The following GSE1 variants were observed in gnomAD, a reference collection of about 807,000 sequenced individuals.
The protein encoded by GSE1 is Gse1 coiled-coil protein.
A neutral mutation model predicts 112.6 loss-of-function variants in GSE1; 32 were observed. The ratio of observed to expected loss-of-function variants is 0.28; its 90% CI spans 0.21 to 0.38. The LOEUF is 0.38. Ranked by LOEUF, GSE1 falls within the 10% of genes least tolerant of loss-of-function variation. GSE1 has a pLI of 1.00. For missense variants in GSE1, 2,348 were observed against 1,699.2 expected, an observed-to-expected ratio of 1.38 and a Z score of -6.71; for synonymous variants, 1,115 against 735.6, an observed-to-expected ratio of 1.52 and a Z score of -8.35.
rs2053585563 is a variant in GSE1 at position 85,674,693 on chromosome 16, A to G, written c.*2154A>G. On this transcript the variant is annotated 3_prime_UTR_variant, in exon 16 of 16. Coordinates refer to ENST00000253458, the MANE Select transcript of GSE1 (RefSeq NM_014615.5). ...AACTTAAAAACGTAGCTCATCCCTT[A>G]CCATCCAAGGGGCACTCCCTTGGTT... 6.6e-6 allele frequency: 1 copy of G among 152,244 alleles called. No individual in the cohort carries two copies. Among genetic ancestry groups the G allele is most frequent in the Non-Finnish European group, 1.5e-5 (1 of 68,050 alleles). 9.4% of individuals were successfully genotyped at this position (152,244 alleles called of 1,614,324 possible).
chr16:85,484,349 G>C (rs1258983717), intron 2 of GSE1, among the ~76,000 whole-genome samples: 1 of 152,252 alleles, frequency 6.6e-6, no homozygotes, highest in Non-Finnish European at 1.5e-5. Flanking sequence ...ATTTCTGCCA[G>C]TGATCGACAG....
chr16:85,612,279 G>C (rs1180522245), upstream of GSE1, among the ~76,000 whole-genome samples: 2 of 152,050 alleles, frequency 1.3e-5, no homozygotes, highest in South Asian at 4.1e-4. Context: ...GCGGAGCCGG[G>C]GGGTGGGAAG....
chr16:85,226,089 C>A (rs970048224), intron 1 of GSE1, among the ~76,000 whole-genome samples: 2 of 152,184 alleles, frequency 1.3e-5, no homozygotes, highest in African/African-American at 4.8e-5. Context: ...CCCCTGATAG[C>A]CTGGTCTCAG....
chr16:85,474,208 G>C (rs2151852056), intron 2 of GSE1, among the ~76,000 whole-genome samples: 1 of 152,184 alleles, frequency 6.6e-6, no homozygotes, highest in Non-Finnish European at 1.5e-5. Context: ...CTGGGACAGA[G>C]AAGGGGGGCA....
chr16:85,480,092 A>G (rs1285781415), intron 2 of GSE1, among the ~76,000 whole-genome samples: 1 of 152,182 alleles, frequency 6.6e-6, no homozygotes, highest in Non-Finnish European at 1.5e-5. Context: ...TGACTCTCAC[A>G]ACATCCTCAA....
intron 2 of GSE1, among the ~76,000 whole-genome samples, chr16:85,488,167 C>G (rs1316126476): frequency 6.6e-6 from 1 of 152,196 alleles, no homozygotes; most frequent in Non-Finnish European, 1.5e-5. Context: ...TTCTGGAGGG[C>G]CTGTCCTTCC....
intron 2 of GSE1, among the ~76,000 whole-genome samples, chr16:85,509,375 G>A (rs1403035512): frequency 1.3e-5 from 2 of 152,202 alleles, no homozygotes; most frequent in East Asian, 1.9e-4. Flanking sequence ...CAATGGGGGA[G>A]TGGCTGGCTC....
At chr16:85,425,106 G>T (rs894641225) in intron 2 of GSE1, among the ~76,000 whole-genome samples, 1 of 152,236 alleles carries the variant, frequency 6.6e-6, no homozygotes, top group Non-Finnish European at 1.5e-5. Flanking sequence ...CTCCCTGGGC[G>T]CCCTGGGGCG....
At chr16:85,626,824 C>T (rs1022505057) in intron 1 of GSE1, among the ~76,000 whole-genome samples, 7 of 151,930 alleles carry the variant, frequency 4.6e-5, no homozygotes, top group Non-Finnish European at 7.4e-5. Context: ...CCTCCAGCCT[C>T]GTGGGGAGGG....
In GSE1 at chr16:85,654,919, A is replaced by G; in HGVS notation, c.725A>G (p.Asp242Gly). 2.5e-6 allele frequency: 4 copies of G among 1,610,756 alleles called. No homozygotes were observed. The highest frequency in any genetic ancestry group is 3.4e-6 in the Non-Finnish European group (4 of 1,179,372). Reference sequence around the variant, plus strand: ...TCCTCACTGCCTCCCCTCGGCCTGGACCCGGCCACTGCTGCAGCCTACTAC... The same window carrying G: ...TCCTCACTGCCTCCCCTCGGCCTGGGCCCGGCCACTGCTGCAGCCTACTAC... ...RMSSLPPLGL[D>G]PATAAAYYHP... Residue 242 changes from aspartate (D) to glycine (G), a missense_variant, in exon 5 of 16, where the codon GAC (aspartate) becomes GGC (glycine). Coordinates refer to ENST00000253458, the MANE Select transcript of GSE1 (RefSeq NM_014615.5).
At chr16:85,613,444 C>G (rs1174848578) in intron 1 of GSE1, 46 bp downstream of exon 1, 3 of 1,507,384 alleles carry the variant, frequency 2.0e-6, no homozygotes, top group East Asian at 2.5e-5. Context: ...CCCCCCTCCC[C>G]CCACCGCACT....
chr16:85,328,186 G>C (rs993902578), intron 1 of GSE1, among the ~76,000 whole-genome samples: 1 of 152,252 alleles, frequency 6.6e-6, no homozygotes, highest in Non-Finnish European at 1.5e-5. Context: ...TACGACAGCA[G>C]AGTTGGGGGG....
At chr16:85,332,195 A>G (rs754616360) in intron 1 of GSE1, among the ~76,000 whole-genome samples, 6 of 152,114 alleles carry the variant, frequency 3.9e-5, no homozygotes, top group African/African-American at 4.8e-5. Flanking sequence ...AAAAAGCACA[A>G]CACCGCTGCT....
At chr16:85,178,861 G>A (rs1482179638) in intron 1 of GSE1, among the ~76,000 whole-genome samples, 1 of 150,024 alleles carries the variant, frequency 6.7e-6, no homozygotes, top group African/African-American at 2.5e-5. Context: ...GGGACGGTGA[G>A]GAGGGAGGTG....
In GSE1 at chr16:85,514,436, C is replaced by A. The variant is rs779212276; in HGVS notation, c.2465-119478C>A. On this transcript the variant is annotated intron_variant, in intron 2 of 2. Transcript: ENST00000637419. ...CCGCATGCTCTCGAGTCCCCCCCCC[C>A]ACCCCAGGGCAGCTCCTGGGGCATC... Among the ~76,000 whole-genome samples the A allele has an allele frequency of 1.9e-4, 12 of 62,302 alleles. No individual in the cohort carries two copies. The East Asian group carries it at 2.5e-3, about 13-fold the overall frequency. The allele number at this position is 62,302 out of a possible 152,430, so 40.9% of individuals were successfully genotyped here. A position where few individuals can be genotyped will look rare whatever the true frequency, so the allele number is the denominator to read the frequency against.
At chr16:85,443,154 A>T (rs1226800961) in intron 2 of GSE1, among the ~76,000 whole-genome samples, 1 of 152,154 alleles carries the variant, frequency 6.6e-6, no homozygotes. Flanking sequence ...GTGGAAGTGA[A>T]TGTGGTTGGG....
At chr16:85,554,780 G>A (rs1002305265), upstream of GSE1, 2 of 651,148 alleles carry the variant, frequency 3.1e-6, no homozygotes, top group South Asian at 6.8e-5. Flanking sequence ...AGTCGTGGGG[G>A]GGGAGGGAGG....
chr16:85,527,108 C>T (rs1249254881), intron 2 of GSE1, among the ~76,000 whole-genome samples: 1 of 152,192 alleles, frequency 6.6e-6, no homozygotes, highest in East Asian at 1.9e-4. Context: ...GGACTGCGCC[C>T]CACCTCCTCT....
At chr16:85,417,766 C>T (rs1009143816) in intron 2 of GSE1, among the ~76,000 whole-genome samples, 1 of 152,270 alleles carries the variant, frequency 6.6e-6, no homozygotes, top group African/African-American at 2.4e-5. Flanking sequence ...GGACGTGTTA[C>T]AGTCCTGAAT....
Sources: allele counts gnomAD v4.1 joint callset (sites outside exome capture counted in the v4.1 genomes callset), GRCh38; gene constraint gnomAD v4.1.1; transcripts MANE v1.5; gene names NCBI Gene and HGNC (gene_info 2026-07-23, HGNC 2026-07-21).